Variants in SLC66A2 observed in about 807,000 individuals in gnomAD.
SLC66A2 encodes the protein solute carrier family 66 member 2.
SLC66A2 carries 23 observed loss-of-function variants against 25.5 expected under a neutral mutation model. The ratio of observed to expected loss-of-function variants is 0.90; its 90% CI spans 0.65 to 1.28. The LOEUF (loss-of-function observed/expected upper bound fraction) is 1.28. Among genes scored for constraint, SLC66A2 ranks in the 50% most tolerant of loss-of-function variants. The pLI, the probability that SLC66A2 is intolerant of heterozygous loss-of-function variation, is 0.00. For synonymous variants in SLC66A2, 193 were observed against 166.5 expected (o/e 1.16, Z -1.23); for missense variants, 396 against 373.1 (o/e 1.06, Z -0.51).
At chr18:79,942,635 A>C (rs1987775144) in intron 3 of SLC66A2, among the ~76,000 whole-genome samples, 1 of 152,230 alleles carries the variant, frequency 6.6e-6, no homozygotes, top group African/African-American at 2.4e-5. Context: ...TTAGAAGAAA[A>C]ACAAAAGGAA....
intron 4 of SLC66A2, among the ~76,000 whole-genome samples, chr18:79,929,099 G>A (rs772945963): frequency 3.3e-5 from 5 of 152,158 alleles, no homozygotes; most frequent in South Asian, 2.1e-4. Flanking sequence ...CAGAGACCTC[G>A]GCAGCCAGCA....
intron 4 of SLC66A2, among the ~76,000 whole-genome samples, chr18:79,931,543 A>C (rs1487123529): frequency 6.6e-6 from 1 of 152,262 alleles, no homozygotes; most frequent in Non-Finnish European, 1.5e-5. Context: ...AAAAATAGTT[A>C]CAGACTTCCA....
rs750570068 is a variant in SLC66A2 at position 79,904,092 on chromosome 18, C to T, written c.700G>A (p.Gly234Ser). The part of the protein sequence containing the change: ...KGAPLQFSVC[G>S]LLQVLVDLAI... ...AGGTCCACCAGCACCTGCAGCAGGC[C>T]GCACACGGAGAACTGCAGAGGGGCA... Residue 234 changes from glycine to serine, a missense_variant, in exon 6 of 6, where the codon GGC becomes AGC. Gly to Ser is a moderately conservative substitution (Grantham distance 56). Transcript: ENST00000397778. The surrounding 1 kb of genome is among the most constrained non-coding windows in gnomAD (Gnocchi z 6.3). 11 of 1,612,634 alleles carry T rather than the reference C, an allele frequency of 6.8e-6. No homozygotes were observed. Among genetic ancestry groups the T allele is most frequent in the South Asian group, 5.5e-5 (5 of 91,076 alleles).
rs1331004670 is a variant in SLC66A2 at position 79,918,460 on chromosome 18, T to A, written c.608+724A>T. On this transcript the variant is annotated intron_variant, in intron 5 of 5. Coordinates refer to ENST00000397778, the MANE Select transcript of SLC66A2 (RefSeq NM_025078.5). This position sits in a 1 kb window ranked among gnomAD's most constrained non-coding sequence, Gnocchi z 4.0. The stretch of plus-strand genomic sequence containing the variant: ...AGTGAGGAGCGGGCACCGGGGAGGG[T>A]CCCCAGTGAGGAGCGGCACCGGGGG... Among the ~76,000 whole-genome samples the A allele has an allele frequency of 7.7e-6, 1 of 129,156 alleles. No individual in the cohort carries two copies. Among genetic ancestry groups the A allele is most frequent in the African/African-American group, 2.8e-5 (1 of 36,024 alleles). 84.7% of individuals were successfully genotyped at this position (129,156 alleles called of 152,430 possible). A position where few individuals can be genotyped will look rare whatever the true frequency, so the allele number is the denominator to read the frequency against.
chr18:79,944,868 G>C, intron 2 of SLC66A2, among the ~76,000 whole-genome samples: 1 of 142,176 alleles, frequency 7.0e-6, no homozygotes, highest in African/African-American at 2.6e-5. Flanking sequence ...GAACCCCGCA[G>C]CCCCCTCAGC....
chr18:79,949,803 G>C (rs532274968), intron 2 of SLC66A2: 1 of 152,372 alleles, frequency 6.6e-6, no homozygotes, highest in African/African-American at 2.4e-5. Context: ...CATAGGAAGA[G>C]CAGCAGACAC....
In SLC66A2 at chr18:79,917,833, C is replaced by T. The variant is rs966106141; in HGVS notation, c.608+1351G>A. On this transcript the variant is annotated intron_variant, in intron 5 of 5. Coordinates refer to ENST00000397778, the MANE Select transcript of SLC66A2 (RefSeq NM_025078.5). This position sits in a 1 kb window ranked among gnomAD's most constrained non-coding sequence, Gnocchi z 6.0. ...GGGCAGCCCAATCCCCACCTGCACC[C>T]CACACCACACCCCAACCTGTACCTA... Among the ~76,000 whole-genome samples, 1 of 151,902 alleles carries T rather than the reference C, an allele frequency of 6.6e-6. No individual in the cohort carries two copies. The highest frequency in any genetic ancestry group is 2.4e-5 in the African/African-American group (1 of 41,302).
intron 5 of SLC66A2, among the ~76,000 whole-genome samples, chr18:79,916,159 G>A (rs12965014): frequency 0.58 from 29,753 of 51,266 alleles, 8,507 homozygotes; most frequent in Non-Finnish European, 0.65. Flanking sequence ...CGGCGCTCTC[G>A]TACCCGCAGT....
intron 4 of SLC66A2, among the ~76,000 whole-genome samples, chr18:79,922,875 C>T (rs1376964445): frequency 8.0e-6 from 1 of 124,352 alleles, no homozygotes; most frequent in Non-Finnish European, 1.7e-5. Context: ...TTGGGGGCAT[C>T]AGAGGGCAGA....
Position 79,937,183 on chromosome 18 carries a change from C to T in SLC66A2, c.338-3161G>A, listed in dbSNP as rs1987176015. Among the ~76,000 whole-genome samples, 1 of 152,166 alleles carries T rather than the reference C, an allele frequency of 6.6e-6. No individual in the cohort carries two copies. Among genetic ancestry groups the T allele is most frequent in the Admixed American group, 6.5e-5 (1 of 15,274 alleles). ...TCACACATGCCTAGGCCGTGGTCTC[C>T]AAACACTGTGTCCCAGATACCAGAG... On this transcript the variant is annotated intron_variant, in intron 3 of 5. Coordinates refer to ENST00000397778, the MANE Select transcript of SLC66A2 (RefSeq NM_025078.5). This position sits in a 1 kb window ranked among gnomAD's most constrained non-coding sequence, Gnocchi z 5.4.
At chr18:79,912,783 A>T (rs1668744793) in intron 5 of SLC66A2, among the ~76,000 whole-genome samples, 1 of 152,020 alleles carries the variant, frequency 6.6e-6, no homozygotes, top group Non-Finnish European at 1.5e-5. Flanking sequence ...AATGTTCCAG[A>T]GCCTCCGCTG....
chr18:79,950,900 G>C lies in SLC66A2; in HGVS notation c.27C>G (p.Leu9=), dbSNP rs558272385. 154 of 1,592,846 alleles carry C rather than the reference G, an allele frequency of 9.7e-5. No individual in the cohort carries two copies. Among genetic ancestry groups the C allele is most frequent in the Non-Finnish European group, 1.2e-4 (146 of 1,171,102 alleles). Residue 9 remains leucine, a synonymous_variant, in exon 2 of 6, where the codon CTC becomes CTG. Transcript: ENST00000397778. MEAEGLDW[L]LVPLHQLVSW... is the part of the protein sequence containing the mutation. ...ACACCAGCTGGTGCAGTGGCACCAG[G>C]AGCCAGTCCAGGCCCTCGGCCTCCA...
intron 5 of SLC66A2, among the ~76,000 whole-genome samples, chr18:79,916,303 C>T (rs1984149079): frequency 6.6e-6 from 1 of 151,418 alleles, no homozygotes; most frequent in African/African-American, 2.4e-5. Context: ...CGTGGTGCTC[C>T]CGTACCCGTG....
chr18:79,947,955 G>T (rs1222378026), intron 2 of SLC66A2, among the ~76,000 whole-genome samples: 1 of 152,038 alleles, frequency 6.6e-6, no homozygotes, highest in Non-Finnish European at 1.5e-5. Context: ...TTCGCTGTGT[G>T]GAGTGCAGGG....
chr18:79,943,591 G>C, intron 2 of SLC66A2, 129 bp from the exon 3 acceptor site: 1 of 1,125,340 alleles, frequency 8.9e-7, no homozygotes, highest in Non-Finnish European at 1.3e-6. Flanking sequence ...TCCTGAACCT[G>C]CAGCCGGAGA....
chr18:79,950,231 C>T (rs1028341534), intron 2 of SLC66A2, among the ~76,000 whole-genome samples: 8 of 152,172 alleles, frequency 5.3e-5, no homozygotes, highest in Middle Eastern at 3.4e-3. Context: ...TGTGGTGGTG[C>T]GCCTGTGGTC....
chr18:79,935,471 C>T (rs1184830190), intron 3 of SLC66A2: 1 of 152,316 alleles, frequency 6.6e-6, no homozygotes, highest in African/African-American at 2.4e-5. Flanking sequence ...AGACCAGGCA[C>T]TCAGGATCCA....
At chr18:79,929,019 A>G (rs1986291307) in intron 4 of SLC66A2, among the ~76,000 whole-genome samples, 1 of 152,206 alleles carries the variant, frequency 6.6e-6, no homozygotes, top group Admixed American at 6.5e-5. Context: ...AGAGCTCCGT[A>G]GCTCTCCCTA....
chr18:79,911,534 G>T (rs550831761), intron 5 of SLC66A2, among the ~76,000 whole-genome samples: 2 of 152,206 alleles, frequency 1.3e-5, no homozygotes, highest in Non-Finnish European at 2.9e-5. Context: ...TAGCGTCCCC[G>T]GGGCCCTGAC....
Sources: gnomAD v4.1 joint callset for allele counts (sites outside exome capture counted in the v4.1 genomes callset) on GRCh38, gnomAD v4.1.1 for gene constraint, Gnocchi (gnomAD v3.1) non-coding constraint, MANE v1.5 for transcripts, NCBI Gene and HGNC (gene_info 2026-07-23, HGNC 2026-07-21) for gene names.